COPZ1: variants seen among roughly 807,000 people sequenced by gnomAD.
COPZ1 encodes coatomer subunit zeta-1.
COPZ1 carries 4 observed loss-of-function variants against 31.7 expected under a neutral mutation model. That is an observed-to-expected ratio of 0.13 (90% CI 0.06 to 0.29). The LOEUF (loss-of-function observed/expected upper bound fraction) is 0.29, where lower values mean the gene tolerates loss of function less well. COPZ1 is among the 10% of genes least tolerant of loss of function. The pLI is 1.00. For synonymous variants in COPZ1, 74 were observed against 79.0 expected, an observed-to-expected ratio of 0.94 and a Z score of 0.33; for missense variants, 156 against 211.5, an observed-to-expected ratio of 0.74 and a Z score of 1.63.
intron 1 of COPZ1, among the ~76,000 whole-genome samples, chr12:54,328,867 G>A (rs754936918): frequency 1.1e-4 from 16 of 152,120 alleles, no homozygotes; most frequent in Non-Finnish European, 1.9e-4. Flanking sequence ...GCAGGATGTC[G>A]AGAAAAAGGG....
At chr12:54,342,142 A>T in intron 2 of COPZ1, 64 bp from the exon 3 acceptor site, 1 of 1,144,684 alleles carries the variant, frequency 8.7e-7, no homozygotes, top group Non-Finnish European at 1.3e-6. Flanking sequence ...GGCAAAACAT[A>T]GTCACTAATC....
At chr12:54,328,346 C>T (rs563511007) in intron 1 of COPZ1, among the ~76,000 whole-genome samples, 26 of 150,326 alleles carry the variant, frequency 1.7e-4, no homozygotes, top group Non-Finnish European at 2.7e-4. Context: ...CCGAGGTGGG[C>T]GGATCACGAG....
chr12:54,343,838 A>G (rs571672170), intron 4 of COPZ1, among the ~76,000 whole-genome samples: 3 of 152,238 alleles, frequency 2.0e-5, no homozygotes, highest in Admixed American at 2.0e-4. Flanking sequence ...ATTTGAGGCA[A>G]AAGTGAAAGT....
intron 1 of COPZ1, among the ~76,000 whole-genome samples, chr12:54,337,691 G>A (rs902731731): frequency 6.6e-6 from 1 of 152,152 alleles, no homozygotes; most frequent in African/African-American, 2.4e-5. Flanking sequence ...GAATTGAAGC[G>A]GCATTTAAGC....
At chr12:54,343,645 T>C (rs944072812) in intron 4 of COPZ1, among the ~76,000 whole-genome samples, 4 of 152,218 alleles carry the variant, frequency 2.6e-5, no homozygotes, top group African/African-American at 7.2e-5. Flanking sequence ...GAAGGGTCCA[T>C]ACCTGACTGA....
intron 1 of COPZ1, among the ~76,000 whole-genome samples, chr12:54,327,034 G>T (rs1953667866): frequency 7.7e-6 from 1 of 129,932 alleles, no homozygotes; most frequent in African/African-American, 3.0e-5. Context: ...AGGCTGGGGT[G>T]CAGTGGTGCA....
In COPZ1 at chr12:54,343,180, C is replaced by T. The variant is rs377561130; in HGVS notation, c.170-45C>T. The T allele has an allele frequency of 1.8e-4, 263 of 1,478,536 alleles. 2 individuals are homozygous for T. The highest frequency in any genetic ancestry group is 2.2e-4 in the Non-Finnish European group (232 of 1,056,730). 91.6% of individuals were successfully genotyped at this position (1,478,536 alleles called of 1,614,324 possible). ...CTGGTAACTCCTTCTTTCCTACTTCCTTATCTCAAGCCACCCACTATTTTT... is the reference window on the plus strand; with the variant it reads ...CTGGTAACTCCTTCTTTCCTACTTCTTTATCTCAAGCCACCCACTATTTTT... On this transcript the variant is annotated intron_variant, in intron 3 of 8. Transcript: ENST00000262061.
In COPZ1 at chr12:54,347,791, G is replaced by A. The variant is rs778231685; in HGVS notation, c.342G>A (p.Leu114=). The stretch of plus-strand genomic sequence containing the variant: ...GGAAAAATGTAGAAAAGCGAGCACT[G>A]CTGGAGAACATGGAGGGGCTGTTCT... The part of the protein sequence containing the change: ...MLRKNVEKRA[L]LENMEGLFLA... Residue 114 remains leucine, a synonymous_variant, in exon 6 of 9, where the codon CTG becomes CTA. Coordinates refer to ENST00000262061, the MANE Select transcript of COPZ1 (RefSeq NM_016057.3). The A allele has an allele frequency of 6.2e-7, 1 of 1,612,256 alleles. No individual in the cohort carries two copies. The highest frequency in any genetic ancestry group is 8.5e-7 in the Non-Finnish European group (1 of 1,179,576).
At chr12:54,342,043 C>T (rs1303537493) in intron 2 of COPZ1, among the ~76,000 whole-genome samples, 163 bp from the exon 3 acceptor site, 1 of 152,152 alleles carries the variant, frequency 6.6e-6, no homozygotes, top group African/African-American at 2.4e-5. Flanking sequence ...TTACTCACTG[C>T]CCATTCTCTG....
At chr12:54,330,638 A>C (rs1565589292) in intron 1 of COPZ1, among the ~76,000 whole-genome samples, 2 of 152,202 alleles carry the variant, frequency 1.3e-5, no homozygotes, top group Non-Finnish European at 2.9e-5. Context: ...GCAGAGGATG[A>C]GTGCAATTAT....
chr12:54,336,809 G>A (rs1194090216), intron 1 of COPZ1, among the ~76,000 whole-genome samples: 1 of 151,948 alleles, frequency 6.6e-6, no homozygotes, highest in Non-Finnish European at 1.5e-5. Context: ...AGATCATGAG[G>A]TCAGGAGTTC....
intron 5 of COPZ1, chr12:54,346,572 T>G (rs1411860689): frequency 4.3e-6 from 3 of 698,614 alleles, no homozygotes; most frequent in African/African-American, 3.5e-5. Flanking sequence ...TTAGACCAGT[T>G]TTTTTTTGAC....
At chr12:54,345,406 A>T in intron 4 of COPZ1, 54 bp from the exon 5 acceptor site, 1 of 1,369,112 alleles carries the variant, frequency 7.3e-7, no homozygotes, top group Non-Finnish European at 1.0e-6. Context: ...GTTTTTAGGT[A>T]GCAGCTTTCA....
chr12:54,340,848 C>T (rs1022648551), intron 2 of COPZ1, among the ~76,000 whole-genome samples: 2 of 151,920 alleles, frequency 1.3e-5, no homozygotes, highest in African/African-American at 2.4e-5. Flanking sequence ...TACAGGCACG[C>T]GCTACCACCC....
chr12:54,350,349 T>C (rs1954126776), intron 8 of COPZ1, 127 bp from the exon 9 acceptor site: 1 of 828,700 alleles, frequency 1.2e-6, no homozygotes, highest in Admixed American at 1.7e-5. Context: ...CTCTTTACCC[T>C]TGGGGATTTT....
chr12:54,345,464 T>G lies in COPZ1; in HGVS notation c.266T>G (p.Met89Arg), dbSNP rs773221279. 4 of 1,613,162 alleles carry G rather than the reference T, an allele frequency of 2.5e-6. No homozygotes were observed. In the Admixed American group the frequency reaches 6.7e-5, roughly 27 times the overall value. ...VIGSSYENEL[M>R]LMAVLNCLFD... ...GCCTCCTCTGTTTCCCAACAGCTGA[T>G]GCTTATGGCTGTTCTGAACTGTCTC... Residue 89 changes from methionine to arginine, a missense_variant, in exon 5 of 9, where the codon ATG becomes AGG. Transcript: ENST00000262061.
intron 4 of COPZ1, 57 bp downstream of exon 4, chr12:54,343,373 G>C (rs763360607): frequency 2.0e-5 from 29 of 1,429,146 alleles, no homozygotes; most frequent in Non-Finnish European, 2.9e-5. Context: ...ACCACAGGCA[G>C]TACATAGCCA....
chr12:54,338,016 A>G (rs902418651), intron 1 of COPZ1, among the ~76,000 whole-genome samples: 6 of 152,150 alleles, frequency 3.9e-5, no homozygotes, highest in Non-Finnish European at 1.5e-5. Flanking sequence ...CACAAAGGAC[A>G]TTGTCTGACT....
chr12:54,334,651 A>G (rs1010535500), intron 1 of COPZ1, among the ~76,000 whole-genome samples: 23 of 151,978 alleles, frequency 1.5e-4, no homozygotes, highest in African/African-American at 5.6e-4. Context: ...CAGGATATCT[A>G]GACCATCCTG....
Sources: allele counts gnomAD v4.1 joint callset (sites outside exome capture counted in the v4.1 genomes callset), GRCh38; gene constraint gnomAD v4.1.1; transcripts MANE v1.5; gene names NCBI Gene and HGNC (gene_info 2026-07-23, HGNC 2026-07-21).